Variants in DAB1 observed in about 807,000 individuals in gnomAD.
DAB1 encodes DAB adaptor protein 1.
DAB1 carries 15 observed loss-of-function variants against 64.6 expected under a neutral mutation model. The observed-to-expected ratio is 0.23, with a 90% CI of 0.16 to 0.36. DAB1 has a LOEUF of 0.36. Among genes scored for constraint, DAB1 ranks in the 10% least tolerant of loss-of-function variants. DAB1 has a pLI of 1.00. For missense variants in DAB1, 596 were observed against 706.7 expected, an observed-to-expected ratio of 0.84 and a Z score of 1.78; for synonymous variants, 235 against 251.9, an observed-to-expected ratio of 0.93 and a Z score of 0.64.
intron 1 of DAB1, among the ~76,000 whole-genome samples, chr1:57,831,099 T>G (rs1271408675): frequency 1.3e-5 from 2 of 151,968 alleles, no homozygotes; most frequent in African/African-American, 4.8e-5. Context: ...TTTTTTAGTA[T>G]AGACGGGGTT....
chr1:57,413,223 A>C (rs1684245270), intron 1 of DAB1, among the ~76,000 whole-genome samples: 1 of 152,222 alleles, frequency 6.6e-6, no homozygotes, highest in Non-Finnish European at 1.5e-5. Context: ...GCTCCTTGAC[A>C]ACAGACCTGG....
chr1:57,901,053 T>G (rs941205964), intron 5 of DAB1, among the ~76,000 whole-genome samples: 1 of 152,220 alleles, frequency 6.6e-6, no homozygotes, highest in South Asian at 2.1e-4. Context: ...TCTCATGCTA[T>G]CCATATAAAG....
chr1:58,507,294 T>A (rs1287999896), intron 2 of DAB1, among the ~76,000 whole-genome samples: 1 of 151,926 alleles, frequency 6.6e-6, no homozygotes, highest in African/African-American at 2.4e-5. Context: ...ATATATATAC[T>A]ATACTGACTA....
chr1:57,359,037 T>A (rs1274187252), intron 1 of DAB1, among the ~76,000 whole-genome samples: 1 of 152,062 alleles, frequency 6.6e-6, no homozygotes, highest in Non-Finnish European at 1.5e-5. Flanking sequence ...GACACTGGAT[T>A]CGGCAAGGAC....
intron 3 of DAB1, among the ~76,000 whole-genome samples, chr1:58,492,266 T>C: frequency 6.6e-6 from 1 of 151,014 alleles, no homozygotes; most frequent in Non-Finnish European, 1.5e-5. Context: ...TTCAAAGCAG[T>C]GTGTAGAGGG....
At chr1:57,178,666 C>T (rs1288544394) in intron 2 of DAB1, among the ~76,000 whole-genome samples, 3 of 151,992 alleles carry the variant, frequency 2.0e-5, no homozygotes, top group Non-Finnish European at 2.9e-5. Context: ...GGGGAAAATC[C>T]AGGCTGCTGG....
chr1:58,426,417 A>G (rs1222302964), intron 3 of DAB1, among the ~76,000 whole-genome samples: 1 of 152,208 alleles, frequency 6.6e-6, no homozygotes, highest in Non-Finnish European at 1.5e-5. Flanking sequence ...TTCAGCAGAT[A>G]TTTATTAAGT....
At chr1:57,871,752 T>G (rs1030027255) in intron 1 of DAB1, among the ~76,000 whole-genome samples, 1 of 152,200 alleles carries the variant, frequency 6.6e-6, no homozygotes, top group Non-Finnish European at 1.5e-5. Context: ...CAGAATTTTA[T>G]AGAATCCTTC....
intron 1 of DAB1, among the ~76,000 whole-genome samples, chr1:57,389,650 G>T (rs72674886): frequency 0.012 from 1,755 of 152,282 alleles, 15 homozygotes; most frequent in Non-Finnish European, 0.019. Flanking sequence ...GAGAAAGAGA[G>T]GTAGGGAGAG....
intron 1 of DAB1, among the ~76,000 whole-genome samples, chr1:57,844,488 C>T (rs1308159546): frequency 3.3e-5 from 5 of 152,184 alleles, no homozygotes; most frequent in African/African-American, 1.2e-4. Context: ...AATTTTCTAA[C>T]CCCTTCCTTT....
At chr1:57,467,404 T>C (rs2406067) in intron 7 of DAB1, among the ~76,000 whole-genome samples, 77,207 of 151,914 alleles carry the variant, frequency 0.51, 20,372 homozygotes, top group Non-Finnish European at 0.6. Context: ...CCAGCAGTAT[T>C]ATCACCACTT....
chr1:58,325,314 T>C (rs1037893780), intron 4 of DAB1, among the ~76,000 whole-genome samples: 12 of 152,262 alleles, frequency 7.9e-5, no homozygotes, highest in African/African-American at 2.7e-4. Flanking sequence ...AGTATTTCTT[T>C]GTAATTATTT....
chr1:57,606,755 T>A (rs1645657371), intron 7 of DAB1, among the ~76,000 whole-genome samples: 1 of 123,430 alleles, frequency 8.1e-6, no homozygotes, highest in South Asian at 2.5e-4. Context: ...ATAAATATAT[T>A]CTATATATTA....
chr1:57,789,282 C>T (rs1650480476), intron 6 of DAB1, among the ~76,000 whole-genome samples: 1 of 152,140 alleles, frequency 6.6e-6, no homozygotes, highest in Non-Finnish European at 1.5e-5. Flanking sequence ...CAACTGGCTT[C>T]TTGGGCCCAC....
chr1:58,211,135 A>G (rs967056224), intron 4 of DAB1, among the ~76,000 whole-genome samples: 2 of 152,128 alleles, frequency 1.3e-5, no homozygotes, highest in Non-Finnish European at 2.9e-5. Context: ...GAACCATGGT[A>G]AGAACATCGG....
At chr1:57,761,196 A>T (rs574830963) in intron 6 of DAB1, among the ~76,000 whole-genome samples, 1 of 152,294 alleles carries the variant, frequency 6.6e-6, no homozygotes, top group African/African-American at 2.4e-5. Context: ...TTGAGGAAAA[A>T]GTCTGAGTTG....
intron 5 of DAB1, among the ~76,000 whole-genome samples, chr1:57,974,025 T>G (rs1001363642): frequency 1.3e-5 from 2 of 152,154 alleles, no homozygotes; most frequent in Admixed American, 1.3e-4. Flanking sequence ...TCTCTGACTT[T>G]ATTTCACCCC....
intron 1 of DAB1, among the ~76,000 whole-genome samples, chr1:58,529,172 C>T (rs1051438567): frequency 6.6e-6 from 1 of 152,110 alleles, no homozygotes; most frequent in Admixed American, 6.5e-5. Context: ...AGCCAAATGA[C>T]ATGTTAATAC....
intron 5 of DAB1, among the ~76,000 whole-genome samples, chr1:58,098,884 G>T (rs543569583): frequency 1.3e-5 from 2 of 152,286 alleles, no homozygotes; most frequent in East Asian, 1.9e-4. Context: ...CATTGTTTGA[G>T]CCACCCAGTT....
Sources: gnomAD v4.1 joint callset for allele counts (sites outside exome capture counted in the v4.1 genomes callset) on GRCh38, gnomAD v4.1.1 for gene constraint, MANE v1.5 for transcripts, NCBI Gene and HGNC (gene_info 2026-07-23, HGNC 2026-07-21) for gene names.